TNFSF4: variants seen among roughly 807,000 people sequenced by gnomAD.
The protein encoded by TNFSF4 is tumor necrosis factor ligand superfamily member 4.
A neutral mutation model predicts 7.3 loss-of-function variants in TNFSF4; 4 were observed. The observed-to-expected ratio is 0.55, with a 90% CI of 0.27 to 1.25. The LOEUF (loss-of-function observed/expected upper bound fraction) is 1.25. TNFSF4 is among the 50% of genes most tolerant of loss of function. TNFSF4 has a pLI of 0.12. For missense variants in TNFSF4, 181 were observed against 208.8 expected (o/e 0.87, Z 0.82); for synonymous variants, 76 against 83.7 (o/e 0.91, Z 0.50).
chr1:173,432,175 G>A, the TNFSF4 span, among the ~76,000 whole-genome samples: 2 of 152,104 alleles, frequency 1.3e-5, no homozygotes, highest in Non-Finnish European at 2.9e-5. Context: ...AAGGGCGAGG[G>A]GTTGCTCCCC....
chr1:173,274,310 A>G, the TNFSF4 span, among the ~76,000 whole-genome samples: 1 of 152,182 alleles, frequency 6.6e-6, no homozygotes, highest in African/African-American at 2.4e-5. Context: ...TAATTTATTC[A>G]AGCATTCTCC....
chr1:173,328,037 A>G, the TNFSF4 span, among the ~76,000 whole-genome samples: 8 of 152,218 alleles, frequency 5.3e-5, no homozygotes, highest in Non-Finnish European at 1.2e-4. Flanking sequence ...TCATGCTGCT[A>G]TAAAGACACA....
At chr1:173,210,347 A>G (rs1650331684), upstream of TNFSF4, among the ~76,000 whole-genome samples, 1 of 152,180 alleles carries the variant, frequency 6.6e-6, no homozygotes, top group Admixed American at 6.5e-5. Context: ...CACTGGAATT[A>G]GGACAGGAAC....
At chr1:173,286,910 T>C in the TNFSF4 span, among the ~76,000 whole-genome samples, 3 of 151,612 alleles carry the variant, frequency 2.0e-5, no homozygotes, top group African/African-American at 7.3e-5. Context: ...GAGAAAAAAA[T>C]CCAATGGACA....
chr1:173,210,314 G>A (rs191638658), upstream of TNFSF4, among the ~76,000 whole-genome samples: 12 of 152,296 alleles, frequency 7.9e-5, no homozygotes, highest in Non-Finnish European at 1.3e-4. Flanking sequence ...AGGGAAGGGT[G>A]CAGGGGGACA....
chr1:173,363,240 G>T, the TNFSF4 span: 3 of 288,580 alleles, frequency 1.0e-5, no homozygotes, highest in South Asian at 7.7e-5. Context: ...CTCTTTCTAG[G>T]GAAACCTGTT....
rs1436353620 is a variant in TNFSF4, at chr1:173,186,278, TG to T, written c.*237del. On this transcript the variant is annotated 3_prime_UTR_variant, in exon 3 of 3. Transcript: ENST00000281834. ...GTGCCTAGTAGGCTCAAGGCAATCT[TG>T]GGGTGTGACGGCTAGGCAATTTAGA... The T allele has an allele frequency of 4.6e-6, 2 of 432,582 alleles. No homozygotes were observed. The highest frequency in any genetic ancestry group is 8.1e-6 in the Non-Finnish European group (2 of 245,956). The allele number at this position is 432,582 out of a possible 1,614,324, so 26.8% of individuals were successfully genotyped here.
the TNFSF4 span, among the ~76,000 whole-genome samples, chr1:173,344,454 T>A: frequency 6.6e-6 from 1 of 152,330 alleles, no homozygotes; most frequent in Non-Finnish European, 1.5e-5. Context: ...TTTGTATGGT[T>A]GGTAATAAAA....
chr1:173,315,914 G>A, the TNFSF4 span, among the ~76,000 whole-genome samples: 1 of 151,956 alleles, frequency 6.6e-6, no homozygotes, highest in Non-Finnish European at 1.5e-5. Flanking sequence ...AGTCCCATTT[G>A]CTTATTTTTG....
chr1:173,393,040 C>T, the TNFSF4 span, among the ~76,000 whole-genome samples: 11,008 of 152,068 alleles, frequency 0.072, 537 homozygotes, highest in East Asian at 0.22. Flanking sequence ...ACAAGGGAGA[C>T]GTGAACACTG....
At chr1:173,220,216 T>C in the TNFSF4 span, among the ~76,000 whole-genome samples, 1 of 152,188 alleles carries the variant, frequency 6.6e-6, no homozygotes, top group Non-Finnish European at 1.5e-5. Flanking sequence ...TCTGCTACTC[T>C]GAGCCCCCAG....
the TNFSF4 span, among the ~76,000 whole-genome samples, chr1:173,321,451 T>C: frequency 1.3e-5 from 2 of 151,928 alleles, no homozygotes; most frequent in Non-Finnish European, 2.9e-5. Flanking sequence ...CCAAAAGCAA[T>C]AGCAACAAGA....
At chr1:173,382,874 T>TCACACA in the TNFSF4 span, among the ~76,000 whole-genome samples, 1,076 of 91,254 alleles carry the variant, frequency 0.012, 14 homozygotes, top group Admixed American at 0.039. Context: ...TTTACTGTTT[T>TCACACA]CACACACACA....
At chr1:173,407,371 G>A in the TNFSF4 span, among the ~76,000 whole-genome samples, 1 of 151,686 alleles carries the variant, frequency 6.6e-6, no homozygotes, top group Non-Finnish European at 1.5e-5. Context: ...ACCACCCTAG[G>A]CGATATGACG....
chr1:173,183,486 G>C (rs1649096608), downstream of TNFSF4, among the ~76,000 whole-genome samples: 1 of 152,200 alleles, frequency 6.6e-6, no homozygotes, highest in Non-Finnish European at 1.5e-5. Context: ...GTACATGGTA[G>C]AACTCTATTT....
Position 173,185,833 on chromosome 1 carries a change from G to A in TNFSF4, c.*683C>T, listed in dbSNP as rs1329358494. ...TCACATCCCCAGACAGTTCTTTGAA[G>A]GGAAATTTCTATTAACTATGTTTGG... On this transcript the variant is annotated 3_prime_UTR_variant, in exon 3 of 3. Coordinates refer to ENST00000281834, the MANE Select transcript of TNFSF4 (RefSeq NM_003326.5). 1 of 152,148 alleles carries A rather than the reference G, an allele frequency of 6.6e-6. No individual in the cohort carries two copies. The highest frequency in any genetic ancestry group is 2.4e-5 in the African/African-American group (1 of 41,420). The allele number at this position is 152,148 out of a possible 1,614,324, so 9.4% of individuals were successfully genotyped here. A position where few individuals can be genotyped will look rare whatever the true frequency, so the allele number is the denominator to read the frequency against.
At chr1:173,351,412 A>G in the TNFSF4 span, among the ~76,000 whole-genome samples, 1 of 152,120 alleles carries the variant, frequency 6.6e-6, no homozygotes, top group East Asian at 1.9e-4. Flanking sequence ...TCACACATCT[A>G]TTTACTTAAC....
chr1:173,339,091 A>C, the TNFSF4 span, among the ~76,000 whole-genome samples: 1 of 152,192 alleles, frequency 6.6e-6, no homozygotes, highest in Non-Finnish European at 1.5e-5. Flanking sequence ...TCATCTCATT[A>C]GATAAAGAAC....
chr1:173,432,942 G>A, the TNFSF4 span, among the ~76,000 whole-genome samples: 21 of 152,272 alleles, frequency 1.4e-4, no homozygotes, highest in Non-Finnish European at 8.8e-5. Flanking sequence ...TTGTAAGACA[G>A]TTTTTATTTC....
Sources: allele counts gnomAD v4.1 joint callset (sites outside exome capture counted in the v4.1 genomes callset), GRCh38; gene constraint gnomAD v4.1.1; transcripts MANE v1.5; gene names NCBI Gene and HGNC (gene_info 2026-07-23, HGNC 2026-07-21).